NUDT3: variants seen among roughly 807,000 people sequenced by gnomAD.
NUDT3 encodes the protein diphosphoinositol polyphosphate phosphohydrolase 1.
NUDT3 carries 9 observed loss-of-function variants against 23.6 expected under a neutral mutation model. The observed-to-expected ratio is 0.38, with a 90% CI of 0.23 to 0.66. The LOEUF is 0.66. Ranked by LOEUF, NUDT3 falls within the 30% of genes least tolerant of loss-of-function variation. The probability of loss-of-function intolerance (pLI) is 0.52; values close to 1 mark genes in which losing one functional copy is unlikely to be tolerated. For synonymous variants in NUDT3, 86 were observed against 82.6 expected, an observed-to-expected ratio of 1.04 and a Z score of -0.22; for missense variants, 172 against 218.5, an observed-to-expected ratio of 0.79 and a Z score of 1.34.
At chr6:34,353,489 A>G (rs977930645) in intron 1 of NUDT3, among the ~76,000 whole-genome samples, 1 of 150,808 alleles carries the variant, frequency 6.6e-6, no homozygotes, top group Non-Finnish European at 1.5e-5. Context: ...ACAACCTCCA[A>G]CTCCGGGGTT....
chr6:34,357,369 G>C (rs1764578923), intron 1 of NUDT3, among the ~76,000 whole-genome samples: 1 of 151,246 alleles, frequency 6.6e-6, no homozygotes, highest in Non-Finnish European at 1.5e-5. Flanking sequence ...TGTAATCCTA[G>C]CACTTTGGGA....
At chr6:34,364,936 G>A (rs1162537466) in intron 1 of NUDT3, among the ~76,000 whole-genome samples, 1 of 152,070 alleles carries the variant, frequency 6.6e-6, no homozygotes, top group Non-Finnish European at 1.5e-5. Context: ...CAGGAGAATG[G>A]CGTGAACCCA....
chr6:34,348,915 A>G (rs1337169289), intron 1 of NUDT3, among the ~76,000 whole-genome samples: 2 of 151,636 alleles, frequency 1.3e-5, no homozygotes, highest in South Asian at 2.1e-4. Context: ...GCTAGAGCGC[A>G]GTGGTGCAAT....
At chr6:34,297,026 G>T (rs1357667660) in intron 2 of NUDT3, among the ~76,000 whole-genome samples, 1 of 151,184 alleles carries the variant, frequency 6.6e-6, no homozygotes, top group Non-Finnish European at 1.5e-5. Context: ...CCATCTCCCG[G>T]GTTCAAGCGA....
At chr6:34,366,718 G>T (rs1246247825) in intron 1 of NUDT3, among the ~76,000 whole-genome samples, 1 of 151,468 alleles carries the variant, frequency 6.6e-6, no homozygotes, top group Non-Finnish European at 1.5e-5. Flanking sequence ...CACCATATCT[G>T]GCTGAGACTT....
chr6:34,298,436 A>G (rs538202076), intron 2 of NUDT3, among the ~76,000 whole-genome samples: 27 of 151,302 alleles, frequency 1.8e-4, no homozygotes, highest in South Asian at 1.2e-3. Flanking sequence ...ACACCAACAT[A>G]TATCTGTGAT....
chr6:34,293,836 A>T (rs576920994), intron 3 of NUDT3, among the ~76,000 whole-genome samples: 1 of 152,270 alleles, frequency 6.6e-6, no homozygotes, highest in East Asian at 1.9e-4. Flanking sequence ...AAATTTAACT[A>T]GCTAGACCAC....
intron 1 of NUDT3, among the ~76,000 whole-genome samples, chr6:34,381,793 G>A (rs971201823): frequency 1.3e-5 from 2 of 151,780 alleles, no homozygotes; most frequent in Non-Finnish European, 2.9e-5. Flanking sequence ...TTAAATAATC[G>A]GCTGGGCACG....
intron 2 of NUDT3, among the ~76,000 whole-genome samples, chr6:34,332,024 G>A (rs976345621): frequency 6.6e-6 from 1 of 152,026 alleles, no homozygotes; most frequent in Non-Finnish European, 1.5e-5. Flanking sequence ...ACAGGTATGT[G>A]TCAACACGCC....
At chr6:34,293,269 C>T (rs1303840729) in intron 4 of NUDT3, among the ~76,000 whole-genome samples, 182 bp downstream of exon 4, 1 of 152,206 alleles carries the variant, frequency 6.6e-6, no homozygotes, top group African/African-American at 2.4e-5. Flanking sequence ...TACTAGGTTG[C>T]CAAGACTGGT....
At position 34,346,738 on chromosome 6, in the gene NUDT3, C is replaced by CA. The variant is rs992551462; in HGVS notation, c.100-4767dup. ...TTGACAACCTATTGAAAATTTACTA[C>CA]AAAAAAAAAAAAAGTTTCTGTTTCT... On this transcript the variant is annotated intron_variant, in intron 1 of 4. Transcript: ENST00000607016. 5.4e-3 allele frequency among the ~76,000 whole-genome samples: 746 copies of CA among 138,684 alleles called. 2 individuals are homozygous for CA. Among genetic ancestry groups the CA allele is most frequent in the South Asian group, 0.018 (77 of 4,394 alleles). 91.0% of individuals were successfully genotyped at this position (138,684 alleles called of 152,430 possible).
chr6:34,340,969 C>A (rs546075796), intron 2 of NUDT3, among the ~76,000 whole-genome samples: 97 of 152,172 alleles, frequency 6.4e-4, no homozygotes, highest in Non-Finnish European at 1.3e-3. Flanking sequence ...AAGCTGGATC[C>A]AAAAGAAACA....
At chr6:34,289,888 G>C (rs889772328) in intron 4 of NUDT3, among the ~76,000 whole-genome samples, 7 of 151,990 alleles carry the variant, frequency 4.6e-5, no homozygotes, top group Admixed American at 2.6e-4. Flanking sequence ...ACTTGAAAAA[G>C]AAACAATCTT....
intron 1 of NUDT3, among the ~76,000 whole-genome samples, chr6:34,392,017 C>T (rs1202868024): frequency 6.6e-6 from 1 of 152,196 alleles, no homozygotes; most frequent in Non-Finnish European, 1.5e-5. Context: ...CCGAAGCGCT[C>T]CGGCCACAAG....
At chr6:34,316,422 G>A (rs1763859020) in intron 2 of NUDT3, among the ~76,000 whole-genome samples, 1 of 152,172 alleles carries the variant, frequency 6.6e-6, no homozygotes, top group Admixed American at 6.5e-5. Flanking sequence ...TAAAGGACAG[G>A]ACTGCTTCAT....
Position 34,288,809 on chromosome 6 carries a change from C to T in NUDT3, c.463G>A (p.Val155Ile). ...QGYSANNGTP[V>I]VATTYSVSAQ... ...GAAACCGAGTATGTGGTGGCCACGA[C>T]TGGGGTGCCATTGTTGGCTGAGTAG... Residue 155 changes from valine to isoleucine, a missense_variant, in exon 5 of 5, where the codon GTC (valine) becomes ATC (isoleucine). Physicochemically the swap from Val to Ile is conservative, Grantham distance 29. Transcript: ENST00000607016. The T allele has an allele frequency of 1.2e-6, 2 of 1,614,156 alleles. No individual in the cohort carries two copies. The highest frequency in any genetic ancestry group is 1.7e-6 in the Non-Finnish European group (2 of 1,180,034).
chr6:34,321,036 C>T (rs1763934043), intron 2 of NUDT3, among the ~76,000 whole-genome samples: 1 of 152,090 alleles, frequency 6.6e-6, no homozygotes, highest in African/African-American at 2.4e-5. Flanking sequence ...GCAGGAGGGA[C>T]AGGAGGGAAC....
At chr6:34,367,888 C>G (rs1764763628) in intron 1 of NUDT3, among the ~76,000 whole-genome samples, 2 of 152,134 alleles carry the variant, frequency 1.3e-5, no homozygotes, top group Admixed American at 1.3e-4. Context: ...CTCAGGACTG[C>G]CAGAAGAATG....
chr6:34,335,136 C>G (rs1344569260), intron 2 of NUDT3, among the ~76,000 whole-genome samples: 1 of 152,086 alleles, frequency 6.6e-6, no homozygotes, highest in Non-Finnish European at 1.5e-5. Context: ...ATGAGTGAAC[C>G]TACTAGAAGG....
Sources: allele counts gnomAD v4.1 joint callset (sites outside exome capture counted in the v4.1 genomes callset), GRCh38; gene constraint gnomAD v4.1.1; transcripts MANE v1.5; gene names NCBI Gene and HGNC (gene_info 2026-07-23, HGNC 2026-07-21).